The following MED12L variants were observed in gnomAD, a reference collection of about 807,000 sequenced individuals.
MED12L encodes the protein mediator complex subunit 12L, also known as mediator of RNA polymerase II transcription subunit 12-like protein.
A neutral mutation model predicts 281.3 loss-of-function variants in MED12L; 60 were observed. The ratio of observed to expected loss-of-function variants is 0.21; its 90% confidence interval spans 0.17 to 0.26. MED12L has a LOEUF of 0.26. Ranked by LOEUF, MED12L falls within the 10% of genes least tolerant of loss-of-function variation. MED12L has a pLI of 1.00. For synonymous variants in MED12L, 974 were observed against 987.2 expected (o/e 0.99, Z 0.25); for missense variants, 2,146 against 2,680.9 (o/e 0.80, Z 4.41).
At chr3:151,130,122 C>G (rs925318240) in intron 5 of MED12L, among the ~76,000 whole-genome samples, 1 of 152,170 alleles carries the variant, frequency 6.6e-6, no homozygotes, top group Non-Finnish European at 1.5e-5. Flanking sequence ...CAATTGCTTA[C>G]TAGCCACCTT....
At chr3:151,381,938 A>G (rs1006322052) in intron 32 of MED12L, among the ~76,000 whole-genome samples, 1 of 152,180 alleles carries the variant, frequency 6.6e-6, no homozygotes, top group African/African-American at 2.4e-5. Flanking sequence ...ATTAATGACC[A>G]TATTTCAGAG....
chr3:151,188,841 A>T (rs1164479399), intron 13 of MED12L, among the ~76,000 whole-genome samples: 2 of 152,064 alleles, frequency 1.3e-5, no homozygotes, highest in Admixed American at 6.5e-5. Context: ...AGTAGGGGGG[A>T]ATCAAGCAAC....
At chr3:151,323,503 C>T (rs1016085893) in intron 16 of MED12L, among the ~76,000 whole-genome samples, 1 of 152,200 alleles carries the variant, frequency 6.6e-6, no homozygotes, top group Non-Finnish European at 1.5e-5. Context: ...GCAACCCTCA[C>T]GCTCCAACCA....
chr3:151,192,084 ATTTGT>A (rs1006841634), intron 14 of MED12L, among the ~76,000 whole-genome samples: 4 of 152,320 alleles, frequency 2.6e-5, no homozygotes, highest in African/African-American at 9.6e-5. Context: ...ATATTTAAAC[ATTTGT>A]CTTAATTTAT....
At chr3:151,376,317 A>G (rs951192432) in intron 28 of MED12L, 103 bp downstream of exon 28, 1 of 963,330 alleles carries the variant, frequency 1.0e-6, no homozygotes, top group African/African-American at 1.7e-5. Flanking sequence ...TTGTGATTTC[A>G]ATTCTGATTT....
intron 1 of MED12L, 67 bp downstream of exon 1, chr3:151,086,003 A>T (rs1271147974): frequency 2.6e-5 from 4 of 152,074 alleles, no homozygotes; most frequent in African/African-American, 9.7e-5. Context: ...GGCGGGCTGG[A>T]GGAGCCCGAG....
intron 16 of MED12L, among the ~76,000 whole-genome samples, chr3:151,281,803 C>T (rs1742851141): frequency 6.6e-6 from 1 of 152,144 alleles, no homozygotes; most frequent in South Asian, 2.1e-4. Flanking sequence ...AGACAGGACT[C>T]TGCCTTATTA....
chr3:151,199,183 T>G, intron 16 of MED12L: 1 of 1,614,186 alleles, frequency 6.2e-7, no homozygotes, highest in Non-Finnish European at 8.5e-7. Flanking sequence ...CAATTTTCAC[T>G]GGTAATGCCA....
chr3:151,215,274 G>T (rs1238057168), intron 16 of MED12L, among the ~76,000 whole-genome samples: 1 of 152,130 alleles, frequency 6.6e-6, no homozygotes, highest in East Asian at 1.9e-4. Context: ...GCCATGTGTG[G>T]GTATTGAGCA....
chr3:151,252,195 A>G (rs529077388), intron 16 of MED12L, among the ~76,000 whole-genome samples: 4 of 152,016 alleles, frequency 2.6e-5, no homozygotes, highest in Non-Finnish European at 5.9e-5. Context: ...TCATCTTTCT[A>G]TCCATCTGTT....
intron 11 of MED12L, among the ~76,000 whole-genome samples, chr3:151,173,074 CTT>C (rs75490096): frequency 2.1e-5 from 3 of 140,340 alleles, no homozygotes; most frequent in Non-Finnish European, 1.6e-5. Flanking sequence ...TATTATGCGA[CTT>C]TTTTTTTTTT....
chr3:151,400,047 G>A (rs545567310), intron 39 of MED12L, among the ~76,000 whole-genome samples: 1 of 152,230 alleles, frequency 6.6e-6, no homozygotes, highest in Non-Finnish European at 1.5e-5. Flanking sequence ...GGCTGGTCTC[G>A]AACTCCTGAC....
chr3:151,214,193 C>T (rs750398513), intron 16 of MED12L: 4 of 1,613,988 alleles, frequency 2.5e-6, no homozygotes, highest in Non-Finnish European at 3.4e-6. Context: ...CATCCTGACA[C>T]TCCATTGAGT....
intron 3 of MED12L, among the ~76,000 whole-genome samples, chr3:151,120,639 G>T (rs1445942816): frequency 1.3e-5 from 2 of 152,184 alleles, no homozygotes; most frequent in East Asian, 1.9e-4. Flanking sequence ...AATAATAGAT[G>T]TGTGTTTACT....
chr3:151,219,305 T>C (rs1402946864), intron 16 of MED12L, among the ~76,000 whole-genome samples: 1 of 152,226 alleles, frequency 6.6e-6, no homozygotes, highest in Non-Finnish European at 1.5e-5. Context: ...AAAGCATTGC[T>C]CACTCCAGAA....
chr3:151,118,143 A>C (rs1197881364), intron 3 of MED12L, among the ~76,000 whole-genome samples: 1 of 151,474 alleles, frequency 6.6e-6, no homozygotes, highest in Non-Finnish European at 1.5e-5. Flanking sequence ...TTCTATTTGT[A>C]ATCTTTTAGG....
At position 151,434,448 on chromosome 3, in the gene MED12L, T is replaced by G. The variant is rs1288960225; in HGVS notation, c.*1644T>G. On this transcript the variant is annotated 3_prime_UTR_variant, in exon 45 of 45. Coordinates refer to ENST00000687756, the MANE Select transcript of MED12L (RefSeq NM_001393769.1). ...CAGCCTGCCCATTTTGTGTTTACTCTGGGCTGGAAAAGACTTTGCCAAAAC... is the reference window on the plus strand; with the variant it reads ...CAGCCTGCCCATTTTGTGTTTACTCGGGGCTGGAAAAGACTTTGCCAAAAC... The G allele has an allele frequency of 2.6e-5, 4 of 152,230 alleles. No homozygotes were observed. The highest frequency in any genetic ancestry group is 4.8e-5 in the African/African-American group (2 of 41,458). The allele number at this position is 152,230 out of a possible 1,614,324, so 9.4% of individuals were successfully genotyped here.
intron 2 of MED12L, among the ~76,000 whole-genome samples, chr3:151,093,489 C>A (rs1413360389): frequency 1.3e-5 from 2 of 152,162 alleles, no homozygotes; most frequent in African/African-American, 4.8e-5. Flanking sequence ...CTGGGCTCCC[C>A]CTTATTCCTA....
intron 43 of MED12L, among the ~76,000 whole-genome samples, chr3:151,426,437 C>T (rs895437699): frequency 4.6e-5 from 7 of 152,068 alleles, no homozygotes; most frequent in African/African-American, 1.7e-4. Flanking sequence ...GCTCCAGAGC[C>T]CAGAGAAATT....
Sources: gnomAD v4.1 joint callset for allele counts (sites outside exome capture counted in the v4.1 genomes callset) on GRCh38, gnomAD v4.1.1 for gene constraint, MANE v1.5 for transcripts, NCBI Gene and HGNC (gene_info 2026-07-23, HGNC 2026-07-21) for gene names.